The following DIP2B variants were observed in gnomAD, a reference collection of about 807,000 sequenced individuals.
DIP2B encodes the protein DIP2 acetate--CoA ligase B (putative), also known as disco-interacting protein 2 homolog B.
Under a neutral mutation model 198.0 loss-of-function variants are expected in DIP2B, and 76 were observed. That is an observed-to-expected ratio of 0.38 (90% CI 0.32 to 0.46). The LOEUF (loss-of-function observed/expected upper bound fraction) is 0.46, where lower values mean the gene tolerates loss of function less well. DIP2B is among the 20% of genes least tolerant of loss of function. DIP2B has a pLI of 0.99. For synonymous variants in DIP2B, 701 were observed against 739.1 expected (o/e 0.95, Z 0.84); for missense variants, 1,559 against 1,978.4 (o/e 0.79, Z 4.02).
intron 13 of DIP2B, 90 bp from the exon 14 acceptor site, chr12:50,692,858 TC>T: frequency 9.0e-7 from 1 of 1,105,780 alleles, no homozygotes; most frequent in Non-Finnish European, 1.3e-6. Context: ...CAAACAAACA[TC>T]AAATCAGTTG....
rs754556345 is a variant in DIP2B, at chr12:50,714,371, G to A, written c.2650-24G>A. On this transcript the variant is annotated intron_variant, in intron 22 of 37. Transcript: ENST00000301180. ...AATGTAATAGAAGTGATCTCACTGA[G>A]TATTTTTGTTTGTATTTTTCTAGGC... is the stretch of plus-strand genomic sequence containing the variant. 4 of 1,613,446 alleles carry A rather than the reference G, an allele frequency of 2.5e-6. No homozygotes were observed. The African/African-American group carries it at 4.0e-5, about 16-fold the overall frequency.
At chr12:50,744,222 G>A (rs527314900) in intron 37 of DIP2B, among the ~76,000 whole-genome samples, 5 of 152,152 alleles carry the variant, frequency 3.3e-5, no homozygotes, top group South Asian at 2.1e-4. Flanking sequence ...GGCTGGTCTC[G>A]AACTCCTGAC....
At chr12:50,681,315 A>C (rs1432546851) in intron 9 of DIP2B, among the ~76,000 whole-genome samples, 1 of 151,954 alleles carries the variant, frequency 6.6e-6, no homozygotes, top group Non-Finnish European at 1.5e-5. Context: ...ATGCACCTGT[A>C]GTCCCAGCTA....
At chr12:50,598,961 A>T (rs527501521) in intron 1 of DIP2B, among the ~76,000 whole-genome samples, 10 of 81,988 alleles carry the variant, frequency 1.2e-4, no homozygotes, top group Non-Finnish European at 2.3e-4. Flanking sequence ...TTCCTAGAAG[A>T]AGTATTGGGT....
At chr12:50,677,594 A>G (rs912103452) in intron 7 of DIP2B, among the ~76,000 whole-genome samples, 1 of 152,146 alleles carries the variant, frequency 6.6e-6, no homozygotes, top group African/African-American at 2.4e-5. Flanking sequence ...CAGCCTGGGC[A>G]ACAGAGCAAG....
intron 1 of DIP2B, among the ~76,000 whole-genome samples, chr12:50,620,642 A>G (rs1398887386): frequency 6.6e-6 from 1 of 152,088 alleles, no homozygotes; most frequent in African/African-American, 2.4e-5. Flanking sequence ...TTTCTCAAAA[A>G]AACTTGAACA....
At chr12:50,626,905 AAAT>A (rs1937946933) in intron 2 of DIP2B, among the ~76,000 whole-genome samples, 1 of 152,192 alleles carries the variant, frequency 6.6e-6, no homozygotes, top group Admixed American at 6.5e-5. Flanking sequence ...ATAAATAAAT[AAAT>A]AATGGTGATA....
chr12:50,553,069 C>T (rs1330241593), intron 1 of DIP2B, among the ~76,000 whole-genome samples: 2 of 152,104 alleles, frequency 1.3e-5, no homozygotes, highest in Non-Finnish European at 2.9e-5. Context: ...CTCCTGACCT[C>T]AGGTGATCTG....
chr12:50,538,572 T>A (rs1359654220), intron 1 of DIP2B, among the ~76,000 whole-genome samples: 1 of 152,228 alleles, frequency 6.6e-6, no homozygotes, highest in African/African-American at 2.4e-5. Context: ...CTTGATCCCC[T>A]TCTGTGAACC....
intron 2 of DIP2B, among the ~76,000 whole-genome samples, chr12:50,629,595 T>C (rs1938002420): frequency 6.6e-6 from 1 of 152,206 alleles, no homozygotes; most frequent in Non-Finnish European, 1.5e-5. Flanking sequence ...CAACCCGATC[T>C]CTTCCGAGCC....
Position 50,722,005 on chromosome 12 carries a change from G to T in DIP2B, c.3166+609G>T, listed in dbSNP as rs145791667. On this transcript the variant is annotated intron_variant, in intron 26 of 37. Coordinates refer to ENST00000301180, the MANE Select transcript of DIP2B (RefSeq NM_173602.3). ...GAAGGGGTGTGAGTTTTCATATTAC[G>T]ATTTAGTCTTCTTCTGTTGTTGCTA... Among the ~76,000 whole-genome samples, 446 of 152,270 alleles carry T rather than the reference G, an allele frequency of 2.9e-3. 5 individuals are homozygous for T. The highest frequency in any genetic ancestry group is 0.01 in the African/African-American group (424 of 41,568).
At chr12:50,728,134 T>C (rs1939969766) in intron 29 of DIP2B, among the ~76,000 whole-genome samples, 1 of 152,214 alleles carries the variant, frequency 6.6e-6, no homozygotes, top group South Asian at 2.1e-4. Context: ...TTATCCCAGC[T>C]CCTTGGGAGG....
intron 2 of DIP2B, among the ~76,000 whole-genome samples, chr12:50,635,853 C>G (rs904753137): frequency 6.6e-6 from 1 of 152,102 alleles, no homozygotes; most frequent in African/African-American, 2.4e-5. Flanking sequence ...AAATGGCTAT[C>G]TCAACATTTT....
chr12:50,590,756 A>C (rs1021034917), intron 1 of DIP2B, among the ~76,000 whole-genome samples: 1 of 152,244 alleles, frequency 6.6e-6, no homozygotes, highest in Non-Finnish European at 1.5e-5. Context: ...AAAACAAACA[A>C]GAATTTAGAC....
chr12:50,568,408 CAA>C (rs1958584482), intron 1 of DIP2B, among the ~76,000 whole-genome samples: 1 of 152,056 alleles, frequency 6.6e-6, no homozygotes, highest in Non-Finnish European at 1.5e-5. Context: ...CGGAGGAAAA[CAA>C]AGGTAAAAAA....
intron 1 of DIP2B, among the ~76,000 whole-genome samples, chr12:50,506,132 G>A (rs1364860060): frequency 6.6e-6 from 1 of 152,086 alleles, no homozygotes; most frequent in Non-Finnish European, 1.5e-5. Context: ...ATGTGATCAG[G>A]CTTCTGGGGC....
In DIP2B at chr12:50,691,103, A is replaced by G. The variant is rs762285602; in HGVS notation, c.1606A>G (p.Met536Val). Reference protein sequence around the residue: ...VMGVTVSRLAMLSHCQALSQA... With the variant: ...VMGVTVSRLAVLSHCQALSQA... The stretch of plus-strand genomic sequence containing the variant: ...GGGAGTTACAGTATCCCGGCTTGCA[A>G]TGTTGTCTCACTGCCAAGCTCTGTC... Residue 536 changes from methionine to valine, a missense_variant, in exon 13 of 38, where the codon ATG becomes GTG. Coordinates refer to ENST00000301180, the MANE Select transcript of DIP2B (RefSeq NM_173602.3). The G allele has an allele frequency of 4.9e-5, 79 of 1,614,004 alleles. No homozygotes were observed. Among genetic ancestry groups the G allele is most frequent in the Non-Finnish European group, 6.2e-5 (73 of 1,180,010 alleles).
At chr12:50,505,298 A>G in intron 1 of DIP2B, 58 bp downstream of exon 1, 1 of 1,355,080 alleles carries the variant, frequency 7.4e-7, no homozygotes, top group Non-Finnish European at 9.6e-7. Context: ...GCGACTTGGG[A>G]GACAGGTCCC....
intron 2 of DIP2B, 115 bp downstream of exon 2, chr12:50,626,162 G>T (rs748168130): frequency 6.6e-6 from 7 of 1,063,752 alleles, no homozygotes; most frequent in South Asian, 1.4e-5. Flanking sequence ...CTCACCAGGG[G>T]AGAGAAAAAA....
Sources: allele counts gnomAD v4.1 joint callset (sites outside exome capture counted in the v4.1 genomes callset), GRCh38; gene constraint gnomAD v4.1.1; transcripts MANE v1.5; gene names NCBI Gene and HGNC (gene_info 2026-07-23, HGNC 2026-07-21).